PLXDC2: variants seen among roughly 807,000 people sequenced by gnomAD.
PLXDC2 encodes the protein plexin domain-containing protein 2.
PLXDC2 carries 40 observed loss-of-function variants against 68.9 expected under a neutral mutation model. The observed-to-expected ratio is 0.58, with a 90% confidence interval of 0.45 to 0.76. PLXDC2 has a LOEUF of 0.76. Among genes scored for constraint, PLXDC2 ranks in the 30% least tolerant of loss-of-function variants. The probability of loss-of-function intolerance (pLI) is 0.00; values close to 1 mark genes in which losing one functional copy is unlikely to be tolerated. For synonymous variants in PLXDC2, 243 were observed against 234.2 expected (o/e 1.04, Z -0.34); for missense variants, 644 against 661.9 (o/e 0.97, Z 0.30).
intron 1 of PLXDC2, among the ~76,000 whole-genome samples, chr10:19,912,685 C>G (rs184387133): frequency 2.0e-5 from 3 of 152,048 alleles, no homozygotes; most frequent in East Asian, 3.9e-4. Context: ...TTAGGAATAA[C>G]TTTGAAAACT....
At chr10:20,117,582 G>A (rs1033241839) in intron 4 of PLXDC2, among the ~76,000 whole-genome samples, 5 of 152,094 alleles carry the variant, frequency 3.3e-5, no homozygotes, top group African/African-American at 1.2e-4. Context: ...CAAGTTGACC[G>A]ATGAATCAGA....
chr10:20,212,095 G>T (rs1472394789), intron 10 of PLXDC2, among the ~76,000 whole-genome samples: 1 of 151,958 alleles, frequency 6.6e-6, no homozygotes, highest in Non-Finnish European at 1.5e-5. Context: ...AGGGGAGCTT[G>T]TGGGGAGGGG....
At position 19,861,968 on chromosome 10, in the gene PLXDC2, G is replaced by A. The variant is rs530905296; in HGVS notation, c.112+44777G>A. On this transcript the variant is annotated intron_variant, in intron 1 of 13. Coordinates refer to ENST00000377252, the MANE Select transcript of PLXDC2 (RefSeq NM_032812.9). Reference sequence around the variant, plus strand: ...GTAGGATTGATTTCAACCACCTAGGGAAAAGCCAGCTCATTTTCCTAAACT... The same window carrying A: ...GTAGGATTGATTTCAACCACCTAGGAAAAAGCCAGCTCATTTTCCTAAACT... Among the ~76,000 whole-genome samples the A allele has an allele frequency of 2.3e-3, 343 of 152,242 alleles. 1 individual carries two copies. The highest frequency in any genetic ancestry group is 6.8e-3 in the Middle Eastern group (2 of 294).
chr10:20,146,400 CT>C (rs1834078202), intron 5 of PLXDC2, among the ~76,000 whole-genome samples: 1 of 149,478 alleles, frequency 6.7e-6, no homozygotes, highest in African/African-American at 2.5e-5. Context: ...TTCTTCCTTG[CT>C]TCCTTGCTTC....
chr10:20,051,162 C>G (rs1835892280), intron 3 of PLXDC2, among the ~76,000 whole-genome samples: 1 of 151,732 alleles, frequency 6.6e-6, no homozygotes. Flanking sequence ...CATGTTCTCA[C>G]TTATAAGTGG....
intron 6 of PLXDC2, among the ~76,000 whole-genome samples, chr10:20,162,972 T>C (rs537452512): frequency 6.6e-6 from 1 of 151,368 alleles, no homozygotes; most frequent in South Asian, 2.1e-4. Context: ...TCTCAGCTAT[T>C]TGGGAGGCTG....
chr10:20,072,318 C>T (rs1038930020), intron 4 of PLXDC2, among the ~76,000 whole-genome samples: 4 of 149,978 alleles, frequency 2.7e-5, no homozygotes, highest in African/African-American at 9.9e-5. Context: ...TGTGGGCAGC[C>T]AAGATAGCAC....
intron 1 of PLXDC2, among the ~76,000 whole-genome samples, chr10:19,856,371 CACACACAG>C (rs1322207344): frequency 1.6e-5 from 2 of 123,702 alleles, no homozygotes; most frequent in East Asian, 2.5e-4. Flanking sequence ...CACAAACACA[CACACACAG>C]ACACACACAC....
intron 12 of PLXDC2, among the ~76,000 whole-genome samples, chr10:20,220,012 ATTG>A (rs1835188927): frequency 6.6e-6 from 1 of 152,130 alleles, no homozygotes; most frequent in African/African-American, 2.4e-5. Context: ...TTTTTAGGCC[ATTG>A]TTTATATCTA....
At chr10:19,943,010 G>T (rs181946544) in intron 1 of PLXDC2, among the ~76,000 whole-genome samples, 1 of 152,148 alleles carries the variant, frequency 6.6e-6, no homozygotes, top group African/African-American at 2.4e-5. Flanking sequence ...GCCACTAATT[G>T]TAATCTCACC....
At chr10:20,223,537 T>G (rs1835246169) in intron 12 of PLXDC2, among the ~76,000 whole-genome samples, 1 of 152,072 alleles carries the variant, frequency 6.6e-6, no homozygotes, top group Non-Finnish European at 1.5e-5. Flanking sequence ...GGTCTTGAAC[T>G]CCTGACCTCA....
At chr10:19,830,094 G>T (rs903922616) in intron 1 of PLXDC2, among the ~76,000 whole-genome samples, 1 of 152,258 alleles carries the variant, frequency 6.6e-6, no homozygotes, top group East Asian at 1.9e-4. Context: ...AATGATATAT[G>T]GGTAAACAAT....
chr10:20,247,478 G>GA (rs11460480), intron 13 of PLXDC2, among the ~76,000 whole-genome samples: 105,695 of 148,620 alleles, frequency 0.71, 38,239 homozygotes, highest in Non-Finnish European at 0.8. Flanking sequence ...CCTGGTCTAG[G>GA]AAAAAAAAAA....
chr10:20,070,648 A>C (rs746760871), intron 4 of PLXDC2, among the ~76,000 whole-genome samples: 24 of 152,184 alleles, frequency 1.6e-4, no homozygotes, highest in Non-Finnish European at 2.9e-4. Context: ...CATGTCATAA[A>C]ATATAATAGA....
chr10:20,225,207 T>C (rs1377753120), intron 12 of PLXDC2, among the ~76,000 whole-genome samples: 1 of 152,204 alleles, frequency 6.6e-6, no homozygotes, highest in Admixed American at 6.5e-5. Context: ...TTTTAGAACA[T>C]TATTCTGCCT....
In PLXDC2 at chr10:20,070,222, T is replaced by C. The variant is rs111759948; in HGVS notation, c.541+1983T>C. On this transcript the variant is annotated intron_variant, in intron 4 of 13. Coordinates refer to ENST00000377252, the MANE Select transcript of PLXDC2 (RefSeq NM_032812.9). The stretch of plus-strand genomic sequence containing the variant: ...AGTCATTAGTCCTTAAGTAATAAAC[T>C]TTAAGAAGATGAATATAGATGTGTG... Among the ~76,000 whole-genome samples the C allele has an allele frequency of 6.6e-3, 1,011 of 152,306 alleles. 9 individuals carry two copies. The highest frequency in any genetic ancestry group is 0.022 in the African/African-American group (904 of 41,562).
intron 9 of PLXDC2, among the ~76,000 whole-genome samples, chr10:20,189,476 C>CATATATATATATATACATATATATAT (rs1834731333): frequency 1.3e-5 from 1 of 75,808 alleles, no homozygotes; most frequent in African/African-American, 5.0e-5. Context: ...AAAGGTAGGC[C>CATATATATATATATACATATATATAT]ATATATATAT....
Position 19,816,903 on chromosome 10 carries a change from C to T in PLXDC2, c.-177C>T. 3.3e-6 allele frequency: 2 copies of T among 601,856 alleles called. No individual in the cohort carries two copies. Among genetic ancestry groups the T allele is most frequent in the Non-Finnish European group, 2.9e-6 (1 of 338,996 alleles). The allele number at this position is 601,856 out of a possible 1,614,324, so 37.3% of individuals were successfully genotyped here. On this transcript the variant is annotated 5_prime_UTR_variant, in exon 1 of 14. Transcript: ENST00000377252. Reference sequence around the variant, plus strand: ...CCGAAGAGCGCTGCGCTCCTACTCGCGTTCGCTTCTTCCTCTTCTCGGTTC... The same window carrying T: ...CCGAAGAGCGCTGCGCTCCTACTCGTGTTCGCTTCTTCCTCTTCTCGGTTC...
At chr10:19,842,313 C>T (rs1589495692) in intron 1 of PLXDC2, among the ~76,000 whole-genome samples, 2 of 152,152 alleles carry the variant, frequency 1.3e-5, no homozygotes, top group African/African-American at 4.8e-5. Flanking sequence ...ATCTATGTCT[C>T]TTCACTGAAT....
Sources: gnomAD v4.1 joint callset for allele counts (sites outside exome capture counted in the v4.1 genomes callset) on GRCh38, gnomAD v4.1.1 for gene constraint, MANE v1.5 for transcripts, NCBI Gene and HGNC (gene_info 2026-07-23, HGNC 2026-07-21) for gene names.